Variants in ZNF280D observed in about 807,000 individuals in gnomAD.
The protein encoded by ZNF280D is suppressor of hairy wing homolog 4.
In ZNF280D, 39 loss-of-function variants were observed where a neutral mutation model predicts 94.7. The ratio of observed to expected loss-of-function variants is 0.41; its 90% CI spans 0.32 to 0.54. ZNF280D has a LOEUF of 0.54. ZNF280D is among the 20% of genes least tolerant of loss of function. The pLI is 0.22. For synonymous variants in ZNF280D, 398 were observed against 377.6 expected, an observed-to-expected ratio of 1.05 and a Z score of -0.63; for missense variants, 1,090 against 1,149.3, an observed-to-expected ratio of 0.95 and a Z score of 0.75.
chr15:56,679,782 T>C (rs2055494624), intron 10 of ZNF280D, among the ~76,000 whole-genome samples: 1 of 152,210 alleles, frequency 6.6e-6, no homozygotes, highest in Non-Finnish European at 1.5e-5. Flanking sequence ...ATGAAGATTA[T>C]AATATATACC....
intron 20 of ZNF280D, among the ~76,000 whole-genome samples, chr15:56,641,815 A>G (rs1288743621): frequency 6.6e-6 from 1 of 151,878 alleles, no homozygotes; most frequent in Non-Finnish European, 1.5e-5. Context: ...TGAAGACTAC[A>G]TAAAGAAATG....
At chr15:56,718,450 A>T (rs11638497) in intron 1 of ZNF280D, among the ~76,000 whole-genome samples, 74,762 of 152,092 alleles carry the variant, frequency 0.49, 19,894 homozygotes, top group East Asian at 0.61. Context: ...ATATTATAGC[A>T]TCATGATAAA....
chr15:56,642,899 A>T (rs189355007), intron 20 of ZNF280D, 53 bp downstream of exon 20: 1 of 1,316,228 alleles, frequency 7.6e-7, no homozygotes, highest in African/African-American at 1.6e-5. Flanking sequence ...TATCATACCA[A>T]TAATACTTTC....
chr15:56,707,253 C>A lies in ZNF280D; in HGVS notation c.-42+10G>T. 1 of 1,553,246 alleles carries A rather than the reference C, an allele frequency of 6.4e-7. No homozygotes were observed. ...AAATTATTGGATGTAAGGTTAACCT[C>A]TAAACTCACCATGTGACTCCAGACA... On this transcript the variant is annotated intron_variant, in intron 2 of 21. Coordinates refer to ENST00000267807, the MANE Select transcript of ZNF280D (RefSeq NM_017661.4).
At position 56,666,622 on chromosome 15, in the gene ZNF280D, G is replaced by C. The variant is rs988924281; in HGVS notation, c.1853+57C>G. 3 of 1,514,490 alleles carry C rather than the reference G, an allele frequency of 2.0e-6. No individual in the cohort carries two copies. In the East Asian group the frequency reaches 7.4e-5, roughly 37 times the overall value. 93.8% of individuals were successfully genotyped at this position (1,514,490 alleles called of 1,614,324 possible). ...CCTTAATAATGTTCTCTTAACTAAAGTATAAGTTTTTATACTTAAGTTTAA... is the reference window on the plus strand; with the variant it reads ...CCTTAATAATGTTCTCTTAACTAAACTATAAGTTTTTATACTTAAGTTTAA... On this transcript the variant is annotated intron_variant, in intron 15 of 21. Transcript: ENST00000267807.
In ZNF280D at chr15:56,660,526, G is replaced by A. The variant is rs75244574; in HGVS notation, c.1995-2040C>T. On this transcript the variant is annotated intron_variant, in intron 16 of 21. Transcript: ENST00000267807. Reference sequence around the variant, plus strand: ...TATAGTTTTGTGTATCACAGGAAGGGAAAAGTGAATTCACAGCTCACACAT... The same window carrying A: ...TATAGTTTTGTGTATCACAGGAAGGAAAAAGTGAATTCACAGCTCACACAT... Among the ~76,000 whole-genome samples the A allele has an allele frequency of 4.7e-4, 72 of 151,686 alleles. No individual in the cohort carries two copies. The East Asian group carries it at 0.012, about 25-fold the overall frequency.
chr15:56,639,252 A>G lies in ZNF280D; in HGVS notation c.2259+3700T>C, dbSNP rs527636999. ...ATTGAAACAAAAAAACAAAAAGATG[A>G]AAGGCCAGAAAGAAAATAACATACA... is the stretch of plus-strand genomic sequence containing the variant. On this transcript the variant is annotated intron_variant, in intron 20 of 21. Coordinates refer to ENST00000267807, the MANE Select transcript of ZNF280D (RefSeq NM_017661.4). Among the ~76,000 whole-genome samples the G allele has an allele frequency of 4.0e-5, 6 of 151,644 alleles. No individual in the cohort carries two copies. In the East Asian group the frequency reaches 9.6e-4, roughly 24 times the overall value.
At chr15:56,642,331 C>A (rs1368622388) in intron 20 of ZNF280D, among the ~76,000 whole-genome samples, 1 of 151,608 alleles carries the variant, frequency 6.6e-6, no homozygotes, top group Non-Finnish European at 1.5e-5. Context: ...ACAAAGTATT[C>A]AAAAGATAAA....
At chr15:56,673,329 A>G (rs1327081559) in intron 13 of ZNF280D, among the ~76,000 whole-genome samples, 1 of 151,792 alleles carries the variant, frequency 6.6e-6, no homozygotes, top group African/African-American at 2.4e-5. Context: ...GTATATGAAA[A>G]CTCCATTCTT....
At chr15:56,651,739 ATTGT>A (rs2140654301) in intron 19 of ZNF280D, among the ~76,000 whole-genome samples, 1 of 152,060 alleles carries the variant, frequency 6.6e-6, no homozygotes. Context: ...GTTATATTGT[ATTGT>A]TTTTTATTTG....
chr15:56,653,105 T>C (rs758928796), intron 19 of ZNF280D: 6 of 990,186 alleles, frequency 6.1e-6, no homozygotes, highest in Non-Finnish European at 7.2e-6. Flanking sequence ...TCAGTAAAAA[T>C]AACTGCAATT....
chr15:56,726,849 C>G (rs1373450570), intron 1 of ZNF280D, among the ~76,000 whole-genome samples: 2 of 152,192 alleles, frequency 1.3e-5, no homozygotes, highest in Non-Finnish European at 2.9e-5. Context: ...GGTTCAGTAT[C>G]TCATGGCCTG....
At chr15:56,646,194 T>C (rs73423643) in intron 19 of ZNF280D, among the ~76,000 whole-genome samples, 1 of 151,926 alleles carries the variant, frequency 6.6e-6, no homozygotes, top group Non-Finnish European at 1.5e-5. Context: ...GAGGCCAAAA[T>C]GGGAGGATAG....
At chr15:56,632,496 A>ATTT (rs35589148) in intron 21 of ZNF280D, among the ~76,000 whole-genome samples, 6 of 129,194 alleles carry the variant, frequency 4.6e-5, no homozygotes, top group African/African-American at 8.5e-5. Flanking sequence ...TTTTTTTATG[A>ATTT]TTTTTTTTTT....
At chr15:56,644,610 AT>A (rs1483635354) in intron 19 of ZNF280D, among the ~76,000 whole-genome samples, 4 of 152,194 alleles carry the variant, frequency 2.6e-5, no homozygotes, top group Non-Finnish European at 5.9e-5. Context: ...AGTAAATGTT[AT>A]CAAAGTAAGA....
chr15:56,732,640 CT>C, intron 1 of ZNF280D: 1 of 151,976 alleles, frequency 6.6e-6, no homozygotes, highest in Non-Finnish European at 1.5e-5. Context: ...AAACAAAGGC[CT>C]TTGGCCAAAG....
At chr15:56,669,745 C>A (rs2054547610) in intron 13 of ZNF280D, among the ~76,000 whole-genome samples, 1 of 137,024 alleles carries the variant, frequency 7.3e-6, no homozygotes, top group Non-Finnish European at 1.6e-5. Context: ...GAAATGGGAC[C>A]CAAAAAAATG....
At chr15:56,731,757 G>T (rs556421101) in intron 1 of ZNF280D, among the ~76,000 whole-genome samples, 27 of 152,268 alleles carry the variant, frequency 1.8e-4, no homozygotes, top group African/African-American at 6.0e-4. Flanking sequence ...TGTGAGATAA[G>T]TGGAAAAATG....
chr15:56,666,322 A>G, intron 16 of ZNF280D, 73 bp downstream of exon 16: 1 of 1,534,228 alleles, frequency 6.5e-7, no homozygotes, highest in South Asian at 1.2e-5. Flanking sequence ...CTAATAGGAT[A>G]ACTTTGTTTT....
Sources: gnomAD v4.1 joint callset for allele counts (sites outside exome capture counted in the v4.1 genomes callset) on GRCh38, gnomAD v4.1.1 for gene constraint, MANE v1.5 for transcripts, NCBI Gene and HGNC (gene_info 2026-07-23, HGNC 2026-07-21) for gene names.